The following PPP2R2D variants were observed in gnomAD, a reference collection of about 807,000 sequenced individuals.
PPP2R2D encodes serine/threonine-protein phosphatase 2A 55 kDa regulatory subunit B delta isoform.
In PPP2R2D, 9 loss-of-function variants were observed where a neutral mutation model predicts 31.1. The observed-to-expected ratio is 0.29, with a 90% confidence interval of 0.17 to 0.51. The LOEUF (loss-of-function observed/expected upper bound fraction) is 0.51, where lower values mean the gene tolerates loss of function less well. Ranked by LOEUF, PPP2R2D falls within the 20% of genes least tolerant of loss-of-function variation. PPP2R2D has a pLI of 0.98. For missense variants in PPP2R2D, 391 were observed against 465.6 expected (o/e 0.84, Z 1.48); for synonymous variants, 179 against 172.6 (o/e 1.04, Z -0.29).
At chr10:131,952,498 C>T (rs111263106) in intron 8 of PPP2R2D, among the ~76,000 whole-genome samples, 3 of 75,462 alleles carry the variant, frequency 4.0e-5, no homozygotes, top group Non-Finnish European at 7.0e-5. Flanking sequence ...GGGGGGTTCA[C>T]TGTCTTAGTG....
At chr10:131,920,062 GAC>G (rs1480960952) in intron 2 of PPP2R2D, among the ~76,000 whole-genome samples, 2 of 151,096 alleles carry the variant, frequency 1.3e-5, no homozygotes, top group East Asian at 2.0e-4. Context: ...CGGGTGGAAT[GAC>G]ACAGTGTTTG....
intron 5 of PPP2R2D, among the ~76,000 whole-genome samples, chr10:131,941,267 G>C (rs2082940366): frequency 6.6e-6 from 1 of 152,186 alleles, no homozygotes; most frequent in South Asian, 2.1e-4. Flanking sequence ...CAATTCTGAT[G>C]CCTAAATTTT....
In PPP2R2D at chr10:131,947,434, A is replaced by T. The variant is rs2036562562; in HGVS notation, c.821-96A>T. 4.6e-6 allele frequency: 6 copies of T among 1,316,286 alleles called. No individual in the cohort carries two copies. The highest frequency in any genetic ancestry group is 1.5e-5 in the African/African-American group (1 of 68,120). The allele number at this position is 1,316,286 out of a possible 1,614,324, so 81.5% of individuals were successfully genotyped here. A position where few individuals can be genotyped will look rare whatever the true frequency, so the allele number is the denominator to read the frequency against. The stretch of plus-strand genomic sequence containing the variant: ...TAGTGTTGAGGCCAAGCCCTTCCAG[A>T]GTCTCTCTGAAGGGGCCACTTCCTA... On this transcript the variant is annotated intron_variant, in intron 7 of 8. Transcript: ENST00000455566. The surrounding 1 kb of genome is among the most constrained non-coding windows in gnomAD (Gnocchi z 4.3).
chr10:131,907,469 A>C (rs971217657), intron 2 of PPP2R2D, among the ~76,000 whole-genome samples: 2 of 152,162 alleles, frequency 1.3e-5, no homozygotes, highest in South Asian at 2.1e-4. Context: ...CGCCGGGCGC[A>C]GTGGTTCACG....
chr10:131,928,226 T>A (rs1554895206), intron 2 of PPP2R2D, among the ~76,000 whole-genome samples: 1 of 152,180 alleles, frequency 6.6e-6, no homozygotes, highest in Non-Finnish European at 1.5e-5. Context: ...GGTAGGGCGC[T>A]AGTTTTCCTT....
At chr10:131,971,206 A>G in the PPP2R2D span, 1 of 535,162 alleles carries the variant, frequency 1.9e-6, no homozygotes, top group Non-Finnish European at 3.4e-6. Flanking sequence ...CCTCTGGGGG[A>G]GCCCCACTCA....
chr10:131,963,890 T>TGCACCTGCCTTG (rs1391631464), downstream of PPP2R2D, among the ~76,000 whole-genome samples: 2 of 152,216 alleles, frequency 1.3e-5, no homozygotes, highest in African/African-American at 4.8e-5. Flanking sequence ...TGGCCTCACC[T>TGCACCTGCCTTG]GCACCTGCCT....
chr10:131,924,474 CAGTTGACCGTA>C (rs1463257211), intron 2 of PPP2R2D, among the ~76,000 whole-genome samples: 1 of 152,086 alleles, frequency 6.6e-6, no homozygotes, highest in African/African-American at 2.4e-5. Flanking sequence ...TGTTGAAAAT[CAGTTGACCGTA>C]AGTGTCCTTC....
chr10:131,920,367 A>T (rs1346817773), intron 2 of PPP2R2D, among the ~76,000 whole-genome samples: 4 of 108,260 alleles, frequency 3.7e-5, no homozygotes, highest in African/African-American at 1.5e-4. Flanking sequence ...GTGGAATGAC[A>T]CAGTGTAGGG....
At chr10:131,932,941 T>G (rs2036269637) in intron 2 of PPP2R2D, among the ~76,000 whole-genome samples, 1 of 152,190 alleles carries the variant, frequency 6.6e-6, no homozygotes, top group Non-Finnish European at 1.5e-5. Flanking sequence ...CCATTATAAT[T>G]AAGTTTGAAA....
the PPP2R2D span, among the ~76,000 whole-genome samples, chr10:131,965,832 T>G: frequency 1.3e-5 from 2 of 152,184 alleles, no homozygotes; most frequent in Non-Finnish European, 2.9e-5. Context: ...AGACATCTAT[T>G]TTTGCACTGT....
intron 2 of PPP2R2D, among the ~76,000 whole-genome samples, chr10:131,926,950 G>A (rs373078390): frequency 5.3e-5 from 8 of 152,310 alleles, no homozygotes; most frequent in African/African-American, 1.4e-4. Context: ...GTAGCAGAGC[G>A]CTGGCTACAG....
intron 2 of PPP2R2D, among the ~76,000 whole-genome samples, chr10:131,927,768 G>T (rs2036135334): frequency 6.6e-6 from 1 of 152,160 alleles, no homozygotes; most frequent in Non-Finnish European, 1.5e-5. Flanking sequence ...AACTAACCTG[G>T]GGTGTTACGC....
At chr10:131,912,665 T>G (rs978683816) in intron 2 of PPP2R2D, 3 of 152,236 alleles carry the variant, frequency 2.0e-5, no homozygotes, top group Non-Finnish European at 4.4e-5. Context: ...ATGAAGTTAC[T>G]TGGTGAAGGT....
At chr10:131,937,679 C>G (rs1434218932) in intron 3 of PPP2R2D, among the ~76,000 whole-genome samples, 7 of 152,200 alleles carry the variant, frequency 4.6e-5, no homozygotes, top group African/African-American at 1.7e-4. Context: ...GCAGGCAGCA[C>G]TTTGACTTGG....
At chr10:131,960,851 C>G (rs1235290169), downstream of PPP2R2D, among the ~76,000 whole-genome samples, 1 of 152,180 alleles carries the variant, frequency 6.6e-6, no homozygotes, top group African/African-American at 2.4e-5. Context: ...CCGGGCTGTG[C>G]TGGGTAGCAG....
At chr10:131,929,509 A>G (rs1293130519) in intron 2 of PPP2R2D, among the ~76,000 whole-genome samples, 1 of 152,162 alleles carries the variant, frequency 6.6e-6, no homozygotes, top group Non-Finnish European at 1.5e-5. Context: ...GCATTTCTCA[A>G]GACTCGTCAC....
At chr10:131,943,855 A>G in intron 5 of PPP2R2D, 113 bp from the exon 6 acceptor site, 1 of 654,510 alleles carries the variant, frequency 1.5e-6, no homozygotes, top group South Asian at 1.8e-5. Context: ...CCTGTACAGA[A>G]TTATTACTTA....
chr10:131,937,238 A>G (rs2036360128), intron 3 of PPP2R2D, among the ~76,000 whole-genome samples: 1 of 152,186 alleles, frequency 6.6e-6, no homozygotes, highest in Non-Finnish European at 1.5e-5. Flanking sequence ...CATAGTCAGC[A>G]CCTTGAGTTT....
Sources: gnomAD v4.1 joint callset for allele counts (sites outside exome capture counted in the v4.1 genomes callset) on GRCh38, gnomAD v4.1.1 for gene constraint, Gnocchi (gnomAD v3.1) non-coding constraint, MANE v1.5 for transcripts, NCBI Gene and HGNC (gene_info 2026-07-23, HGNC 2026-07-21) for gene names.